AFF2: variants seen among roughly 807,000 people sequenced by gnomAD.
AFF2 encodes the protein ALF transcription elongation factor 2, also known as AF4/FMR2 family member 2.
Under a neutral mutation model 76.9 loss-of-function variants are expected in AFF2, and 14 were observed. The observed-to-expected ratio is 0.18, with a 90% CI of 0.12 to 0.28. The LOEUF (loss-of-function observed/expected upper bound fraction) is 0.28. Ranked by LOEUF, AFF2 falls within the 10% of genes least tolerant of loss-of-function variation. The probability of loss-of-function intolerance (pLI) is 1.00; values close to 1 mark genes in which losing one functional copy is unlikely to be tolerated. For synonymous variants in AFF2, 398 were observed against 366.7 expected (o/e 1.09, Z -0.98); for missense variants, 868 against 1,001.1 (o/e 0.87, Z 1.79).
chrX:148,867,796 G>T (rs1420585268), intron 7 of AFF2, among the ~76,000 whole-genome samples: 1 of 111,395 alleles, frequency 9.0e-6, no homozygotes, highest in Non-Finnish European at 1.9e-5. Flanking sequence ...TGGAATCTTT[G>T]TCTTCTATTC....
chrX:148,667,475 T>A (rs1431830353), intron 3 of AFF2, among the ~76,000 whole-genome samples: 1 of 112,046 alleles, frequency 8.9e-6, no homozygotes, highest in African/African-American at 3.2e-5. Flanking sequence ...ACTTGATGTA[T>A]TAGTCTGTTT....
chrX:148,782,471 A>G (rs2069757524), intron 3 of AFF2, among the ~76,000 whole-genome samples: 1 of 112,037 alleles, frequency 8.9e-6, no homozygotes, highest in South Asian at 3.7e-4. Flanking sequence ...TATCTGGTTA[A>G]GAAATATTAA....
chrX:148,992,636 G>C lies in AFF2; in HGVS notation c.*1304G>C, dbSNP rs1293535973. The C allele has an allele frequency of 9.0e-6, 1 of 111,716 alleles. No homozygotes were observed. The highest frequency in any genetic ancestry group is 1.9e-5 in the Non-Finnish European group (1 of 53,067). The allele number at this position is 111,716 out of a possible 1,213,427, so 9.2% of individuals were successfully genotyped here. On this transcript the variant is annotated 3_prime_UTR_variant, in exon 21 of 21. Transcript: ENST00000370460. Reference sequence around the variant, plus strand: ...TTTTATTTTTTTAAAATGAGTCGTGGGGTAGTGCTTCACCTTGAGATGCTT... The same window carrying C: ...TTTTATTTTTTTAAAATGAGTCGTGCGGTAGTGCTTCACCTTGAGATGCTT...
chrX:148,715,393 T>C (rs1557263265), intron 3 of AFF2, among the ~76,000 whole-genome samples: 5 of 111,147 alleles, frequency 4.5e-5, no homozygotes, highest in Admixed American at 9.5e-5. Flanking sequence ...TCAGCACATA[T>C]ATGTACACCA....
intron 4 of AFF2, among the ~76,000 whole-genome samples, chrX:148,813,051 C>T (rs1280031207): frequency 8.9e-6 from 1 of 112,481 alleles, no homozygotes; most frequent in Non-Finnish European, 1.9e-5. Context: ...ATGTGTCAAC[C>T]TTATTTTCCT....
rs1180530830 is a variant in AFF2 at position 148,719,248 on chromosome X, G to A, written c.1041+56480G>A. On this transcript the variant is annotated intron_variant, in intron 3 of 20. Transcript: ENST00000370460. Reference sequence around the variant, plus strand: ...AAGATGAAGGTAGGCAATATGAGTTGGCTGTAGAAGGTCTACAATCAGCCA... The same window carrying A: ...AAGATGAAGGTAGGCAATATGAGTTAGCTGTAGAAGGTCTACAATCAGCCA... The A allele has an allele frequency of 2.2e-5, 25 of 1,116,315 alleles. No individual in the cohort carries two copies. The African/African-American group carries it at 4.4e-4, about 20-fold the overall frequency. The allele number at this position is 1,116,315 out of a possible 1,213,427, so 92.0% of individuals were successfully genotyped here. A position where few individuals can be genotyped will look rare whatever the true frequency, so the allele number is the denominator to read the frequency against.
intron 1 of AFF2, among the ~76,000 whole-genome samples, chrX:148,609,373 A>G (rs2053704812): frequency 9.0e-6 from 1 of 111,622 alleles, no homozygotes; most frequent in Non-Finnish European, 1.9e-5. Flanking sequence ...TTGAAATGCC[A>G]TGGAAATGTG....
At chrX:148,966,427 T>C (rs969762424) in intron 13 of AFF2, among the ~76,000 whole-genome samples, 1 of 110,418 alleles carries the variant, frequency 9.1e-6, no homozygotes, top group African/African-American at 3.3e-5. Flanking sequence ...TCTTTGTCCA[T>C]GCATCTCTTC....
intron 3 of AFF2, among the ~76,000 whole-genome samples, chrX:148,712,720 T>C (rs1402847784): frequency 8.9e-6 from 1 of 112,395 alleles, no homozygotes; most frequent in African/African-American, 3.2e-5. Context: ...TGTGCATTTA[T>C]ACTCATTCAT....
intron 18 of AFF2, among the ~76,000 whole-genome samples, chrX:148,980,033 A>G (rs1298434337): frequency 2.7e-5 from 3 of 111,794 alleles, no homozygotes; most frequent in Non-Finnish European, 3.8e-5. Flanking sequence ...GGCCATTACA[A>G]TGAGCCTGAT....
Position 149,000,222 on chromosome X carries a change from C to T in AFF2, c.*8890C>T, listed in dbSNP as rs2072660476. 8.9e-6 allele frequency: 1 copy of T among 112,461 alleles called. No homozygotes were observed. 9.3% of individuals were successfully genotyped at this position (112,461 alleles called of 1,213,427 possible). On this transcript the variant is annotated 3_prime_UTR_variant, in exon 21 of 21. Transcript: ENST00000370460. ...CTTCTGAACCACCTTTTCTTGGGTG[C>T]AGATTTCCAACATTCATGCTCATTG...
chrX:148,639,320 T>C (rs2054064563), intron 1 of AFF2, among the ~76,000 whole-genome samples: 1 of 112,402 alleles, frequency 8.9e-6, no homozygotes, highest in African/African-American at 3.2e-5. Context: ...CAATAATCTG[T>C]GAATTTACTC....
At chrX:148,610,750 T>C (rs782143207) in intron 1 of AFF2, among the ~76,000 whole-genome samples, 156 of 111,598 alleles carry the variant, frequency 1.4e-3, no homozygotes, top group Middle Eastern at 4.6e-3. Flanking sequence ...ATTTGGGAAA[T>C]GGCATCAGGT....
At chrX:148,840,159 A>G (rs950567669) in intron 5 of AFF2, among the ~76,000 whole-genome samples, 6 of 111,332 alleles carry the variant, frequency 5.4e-5, no homozygotes, top group African/African-American at 2.0e-4. Context: ...TATCCTCAGG[A>G]GAAGTTTAAT....
chrX:148,681,408 C>A (rs1384537936), intron 3 of AFF2, among the ~76,000 whole-genome samples: 1 of 110,733 alleles, frequency 9.0e-6, no homozygotes, highest in Non-Finnish European at 1.9e-5. Flanking sequence ...CCTCAACATG[C>A]AAAACTTTAT....
intron 3 of AFF2, among the ~76,000 whole-genome samples, chrX:148,726,584 T>C (rs2055158402): frequency 8.9e-6 from 1 of 111,889 alleles, no homozygotes; most frequent in African/African-American, 3.2e-5. Flanking sequence ...TCACTATCAG[T>C]ATGACCCCAT....
At chrX:148,814,617 A>G (rs1210301660) in intron 4 of AFF2, among the ~76,000 whole-genome samples, 1 of 111,739 alleles carries the variant, frequency 8.9e-6, no homozygotes, top group African/African-American at 3.3e-5. Flanking sequence ...TCTTCCTGCC[A>G]TATGGATCAG....
intron 9 of AFF2, among the ~76,000 whole-genome samples, chrX:148,914,494 T>C (rs782311681): frequency 5.4e-5 from 6 of 111,929 alleles, no homozygotes; most frequent in Admixed American, 9.5e-5. Context: ...ATTCTTTTAT[T>C]CTAGAAAGTT....
At chrX:148,873,515 A>G (rs1429292305) in intron 7 of AFF2, among the ~76,000 whole-genome samples, 3 of 107,150 alleles carry the variant, frequency 2.8e-5, no homozygotes, top group African/African-American at 1.0e-4. Context: ...TGGATACTAG[A>G]TCCTTATCAG....
Sources: gnomAD v4.1 joint callset for allele counts (sites outside exome capture counted in the v4.1 genomes callset) on GRCh38, gnomAD v4.1.1 for gene constraint, MANE v1.5 for transcripts, NCBI Gene and HGNC (gene_info 2026-07-23, HGNC 2026-07-21) for gene names.